The following BBS9 variants were observed in gnomAD, a reference collection of about 807,000 sequenced individuals.
The protein encoded by BBS9 is Bardet-Biedl syndrome 9, also known as protein PTHB1.
A neutral mutation model predicts 117.7 loss-of-function variants in BBS9; 89 were observed. The observed-to-expected ratio is 0.76, with a 90% CI of 0.64 to 0.90. The LOEUF is 0.90. Ranked by LOEUF, BBS9 falls within the 40% of genes least tolerant of loss-of-function variation. The pLI is 0.00. For synonymous variants in BBS9, 379 were observed against 370.9 expected (o/e 1.02, Z -0.25); for missense variants, 982 against 1,042.2 (o/e 0.94, Z 0.80).
chr7:33,545,558 C>G (rs1222950847), intron 21 of BBS9, among the ~76,000 whole-genome samples: 1 of 152,078 alleles, frequency 6.6e-6, no homozygotes, highest in South Asian at 2.1e-4. Flanking sequence ...TTGAGGGGGT[C>G]TCCCAAGTCT....
At chr7:33,422,013 A>G (rs1832926179) in intron 19 of BBS9, among the ~76,000 whole-genome samples, 2 of 152,194 alleles carry the variant, frequency 1.3e-5, no homozygotes, top group South Asian at 4.1e-4. Context: ...AATTTAGTAT[A>G]TAGCCTTCCA....
At chr7:33,351,540 C>G (rs1365820083) in intron 14 of BBS9, 2 of 551,874 alleles carry the variant, frequency 3.6e-6, no homozygotes, top group African/African-American at 1.9e-5. Context: ...TTGGTTCCCT[C>G]TTTTCAGTTA....
intron 19 of BBS9, among the ~76,000 whole-genome samples, chr7:33,390,046 C>A (rs1306764235): frequency 6.6e-6 from 1 of 152,042 alleles, no homozygotes; most frequent in Non-Finnish European, 1.5e-5. Flanking sequence ...TGTTCCACAC[C>A]TCTTTTCCTC....
At chr7:33,615,636 A>C (rs1585481639) in intron 21 of BBS9, among the ~76,000 whole-genome samples, 1 of 152,136 alleles carries the variant, frequency 6.6e-6, no homozygotes, top group East Asian at 1.9e-4. Context: ...GAAAGAGAAA[A>C]AAGAAACAAA....
At chr7:33,459,351 C>A (rs1393297947) in intron 19 of BBS9, among the ~76,000 whole-genome samples, 1 of 151,844 alleles carries the variant, frequency 6.6e-6, no homozygotes, top group Admixed American at 6.6e-5. Context: ...TTGATTGTAA[C>A]AGCTGGGGAG....
chr7:33,153,133 T>G (rs1014572149), intron 3 of BBS9, among the ~76,000 whole-genome samples: 1 of 152,114 alleles, frequency 6.6e-6, no homozygotes, highest in Non-Finnish European at 1.5e-5. Context: ...AATAAAGAAA[T>G]AAATAAGAAG....
At chr7:33,408,377 C>T (rs939167306) in intron 19 of BBS9, among the ~76,000 whole-genome samples, 2 of 152,148 alleles carry the variant, frequency 1.3e-5, no homozygotes, top group South Asian at 4.1e-4. Flanking sequence ...ACTCCCTGAC[C>T]CCTTGCACTT....
intron 20 of BBS9, among the ~76,000 whole-genome samples, chr7:33,519,669 AAT>A (rs1848320448): frequency 6.6e-6 from 1 of 152,218 alleles, no homozygotes; most frequent in Admixed American, 6.5e-5. Context: ...TGGTTCTGCG[AAT>A]ATGTTAATTA....
intron 5 of BBS9, among the ~76,000 whole-genome samples, chr7:33,223,610 T>C (rs1790684980): frequency 6.6e-6 from 1 of 152,220 alleles, no homozygotes; most frequent in African/African-American, 2.4e-5. Context: ...AGGAATGTCT[T>C]TTATGTGAAA....
At chr7:33,429,643 T>C (rs900488023) in intron 19 of BBS9, among the ~76,000 whole-genome samples, 5 of 152,048 alleles carry the variant, frequency 3.3e-5, no homozygotes, top group Non-Finnish European at 7.4e-5. Context: ...TAATACTTAC[T>C]TTTCAGAATT....
intron 19 of BBS9, among the ~76,000 whole-genome samples, chr7:33,476,766 A>T (rs1414530111): frequency 1.3e-5 from 2 of 152,118 alleles, no homozygotes; most frequent in East Asian, 3.8e-4. Context: ...GAAACTGTCA[A>T]CCCCAACTGT....
At chr7:33,583,285 C>T (rs1860310956) in intron 21 of BBS9, among the ~76,000 whole-genome samples, 1 of 151,984 alleles carries the variant, frequency 6.6e-6, no homozygotes, top group Non-Finnish European at 1.5e-5. Flanking sequence ...GATATTGTTG[C>T]ATCAGCTTAC....
intron 19 of BBS9, among the ~76,000 whole-genome samples, chr7:33,432,948 C>T (rs927007260): frequency 6.6e-5 from 10 of 152,004 alleles, no homozygotes; most frequent in Non-Finnish European, 1.2e-4. Context: ...AATTCAGACC[C>T]TCAGTTGAAA....
intron 17 of BBS9, among the ~76,000 whole-genome samples, chr7:33,372,451 G>C (rs1324539564): frequency 1.3e-5 from 2 of 152,030 alleles, no homozygotes; most frequent in Admixed American, 6.6e-5. Context: ...GATGTATCAT[G>C]CTTATTGATT....
At chr7:33,578,877 GCATATGCAAAAA>G (rs143462613) in intron 21 of BBS9, among the ~76,000 whole-genome samples, 3,389 of 152,232 alleles carry the variant, frequency 0.022, 68 homozygotes, top group South Asian at 0.1. Context: ...ACTTAGCAAA[GCATATGCAAAAA>G]CATATGCAAG....
intron 21 of BBS9, among the ~76,000 whole-genome samples, chr7:33,612,473 C>G (rs1407022340): frequency 1.3e-5 from 2 of 152,038 alleles, no homozygotes; most frequent in Admixed American, 6.6e-5. Context: ...CCATCTGGAT[C>G]TGGTCCTCCC....
Position 33,605,748 on chromosome 7 carries a change from G to T in BBS9, c.*522G>T. ...CTACTCTCTGGTAAGACTTGAATGT[G>T]ATTATTTTATAAATAAAAGAACCAC... On this transcript the variant is annotated 3_prime_UTR_variant, in exon 23 of 23. Coordinates refer to ENST00000242067, the MANE Select transcript of BBS9 (RefSeq NM_198428.3). 6.3e-6 allele frequency: 1 copy of T among 158,318 alleles called. No individual in the cohort carries two copies. The highest frequency in any genetic ancestry group is 1.4e-5 in the Non-Finnish European group (1 of 71,388). The allele number at this position is 158,318 out of a possible 1,614,324, so 9.8% of individuals were successfully genotyped here.
intron 21 of BBS9, among the ~76,000 whole-genome samples, chr7:33,629,623 T>C (rs1476428559): frequency 1.3e-5 from 2 of 152,186 alleles, no homozygotes. Context: ...GCTTGACACA[T>C]AGTAGGAGCT....
At chr7:33,544,386 C>T (rs1034684010) in intron 21 of BBS9, among the ~76,000 whole-genome samples, 3 of 152,098 alleles carry the variant, frequency 2.0e-5, no homozygotes, top group Admixed American at 6.5e-5. Context: ...ATGGGGTGTT[C>T]CCTTGATGTA....
Sources: gnomAD v4.1 joint callset for allele counts (sites outside exome capture counted in the v4.1 genomes callset) on GRCh38, gnomAD v4.1.1 for gene constraint, MANE v1.5 for transcripts, NCBI Gene and HGNC (gene_info 2026-07-23, HGNC 2026-07-21) for gene names.